Variants in CDH3 observed in about 807,000 individuals in gnomAD.
CDH3 encodes cadherin-3.
Under a neutral mutation model 82.0 loss-of-function variants are expected in CDH3, and 54 were observed. The observed-to-expected ratio is 0.66, with a 90% CI of 0.53 to 0.83. The LOEUF (loss-of-function observed/expected upper bound fraction) is 0.83. Ranked by LOEUF, CDH3 falls within the 40% of genes least tolerant of loss-of-function variation. The pLI, the probability that CDH3 is intolerant of heterozygous loss-of-function variation, is 0.00. For missense variants in CDH3, 1,054 were observed against 1,084.6 expected (o/e 0.97, Z 0.40); for synonymous variants, 446 against 437.9 (o/e 1.02, Z -0.23).
intron 2 of CDH3, chr16:68,651,255 C>A: frequency 1.9e-6 from 1 of 539,584 alleles, no homozygotes; most frequent in South Asian, 1.4e-5. Flanking sequence ...TGGTGCCCAG[C>A]TTGGTGTCAT....
chr16:68,721,136 CA>C (rs1962158708), intron 1 of CDH3, among the ~76,000 whole-genome samples: 2 of 151,522 alleles, frequency 1.3e-5, no homozygotes, highest in Admixed American at 1.3e-4. Context: ...TCCTAATCAT[CA>C]TACTAAATCA....
chr16:68,674,239 A>G (rs1382222849), intron 2 of CDH3, among the ~76,000 whole-genome samples: 1 of 152,132 alleles, frequency 6.6e-6, no homozygotes, highest in African/African-American at 2.4e-5. Context: ...GTGCATGTGA[A>G]GTGGTATCTC....
downstream of CDH3, among the ~76,000 whole-genome samples, chr16:68,704,637 C>A (rs961096847): frequency 1.4e-4 from 22 of 152,268 alleles, no homozygotes; most frequent in African/African-American, 5.3e-4. Flanking sequence ...CCACATGCCA[C>A]ACAGGGAGTC....
In CDH3 at chr16:68,679,787, C is replaced by T; in HGVS notation, c.692-12C>T. The T allele has an allele frequency of 6.3e-7, 1 of 1,599,024 alleles. No individual in the cohort carries two copies. On this transcript the variant is annotated splice_polypyrimidine_tract_variant and intron_variant, in intron 6 of 15. Coordinates refer to ENST00000264012, the MANE Select transcript of CDH3 (RefSeq NM_001793.6). Reference sequence around the variant, plus strand: ...GAACTGGGAGGAAAAGATACTCATCCCTTCTCTCCAGGTACTTCTGTGATG... The same window carrying T: ...GAACTGGGAGGAAAAGATACTCATCTCTTCTCTCCAGGTACTTCTGTGATG...
intron 13 of CDH3, among the ~76,000 whole-genome samples, chr16:68,692,993 A>G (rs2152105936): frequency 6.6e-6 from 1 of 152,280 alleles, no homozygotes; most frequent in East Asian, 1.9e-4. Flanking sequence ...AATCCCAGTT[A>G]CTTGGGAGGC....
rs28815033 is a variant in CDH3 at position 68,719,254 on chromosome 16, G to A, written c.100-3171G>A. Among the ~76,000 whole-genome samples, 404 of 143,502 alleles carry A rather than the reference G, an allele frequency of 2.8e-3. 7 individuals carry two copies. Among genetic ancestry groups the A allele is most frequent in the Admixed American group, 0.018 (251 of 14,276 alleles). The allele number at this position is 143,502 out of a possible 152,430, so 94.1% of individuals were successfully genotyped here. On this transcript the variant is annotated intron_variant, in intron 1 of 2. Coordinates refer to the CDH3 transcript ENST00000569080. ...AGTGAGACTCCGTCTCAAAAAAAAAGAAAAAAAAAAAAGATAAAAAACGAA... is the reference window on the plus strand; with the variant it reads ...AGTGAGACTCCGTCTCAAAAAAAAAAAAAAAAAAAAAAGATAAAAAACGAA...
In CDH3 at chr16:68,684,731, C is replaced by G; in HGVS notation, c.1331C>G (p.Ser444Cys). The G allele has an allele frequency of 1.2e-6, 2 of 1,614,220 alleles. No individual in the cohort carries two copies. The highest frequency in any genetic ancestry group is 1.7e-6 in the Non-Finnish European group (2 of 1,180,046). ...GAGGCACCTGTGTTTGTCCCACCCT[C>G]CAAAGTCGTTGAGGTCCAGGAGGGC... ...VNEAPVFVPP[S>C]KVVEVQEGIP... Residue 444 changes from serine to cysteine, a missense_variant, in exon 10 of 16, where the codon TCC becomes TGC. Ser to Cys is a moderately radical substitution (Grantham distance 112). Transcript: ENST00000264012.
At chr16:68,663,225 CTT>C (rs71382053) in intron 2 of CDH3, among the ~76,000 whole-genome samples, 2 of 130,576 alleles carry the variant, frequency 1.5e-5, no homozygotes, top group East Asian at 2.3e-4. Flanking sequence ...AGGAAAGTGA[CTT>C]TTTTTTTTTT....
intron 2 of CDH3, among the ~76,000 whole-genome samples, chr16:68,672,588 C>T (rs966809917): frequency 3.9e-5 from 6 of 152,170 alleles, no homozygotes; most frequent in African/African-American, 1.4e-4. Flanking sequence ...ATCGTGTGGC[C>T]CCTGGGACCC....
chr16:68,682,238 C>G, intron 8 of CDH3, 64 bp from the exon 9 acceptor site: 3 of 1,535,700 alleles, frequency 2.0e-6, no homozygotes, highest in Non-Finnish European at 2.7e-6. Context: ...ATGGAGGCTT[C>G]TCAGCCTCTG....
At chr16:68,648,057 C>T (rs1390999284) in intron 2 of CDH3, among the ~76,000 whole-genome samples, 1 of 152,222 alleles carries the variant, frequency 6.6e-6, no homozygotes, top group South Asian at 2.1e-4. Context: ...GCTTTATCCT[C>T]CTAACATTCC....
At chr16:68,725,488 C>T (rs1468747005) in intron 2 of CDH3, among the ~76,000 whole-genome samples, 1 of 151,908 alleles carries the variant, frequency 6.6e-6, no homozygotes, top group East Asian at 2.0e-4. Context: ...CGCCCGCCAC[C>T]ACGCCTGGCT....
chr16:68,667,827 C>A (rs975077154), intron 2 of CDH3, among the ~76,000 whole-genome samples: 1 of 152,188 alleles, frequency 6.6e-6, no homozygotes, highest in Admixed American at 6.5e-5. Flanking sequence ...GCCAGAGACT[C>A]CTGGTTTCCA....
Position 68,699,608 on chromosome 16 carries a change from C to G in CDH3, c.*1208C>G, listed in dbSNP as rs1039384908. 2.0e-5 allele frequency: 3 copies of G among 152,028 alleles called. No homozygotes were observed. The highest frequency in any genetic ancestry group is 4.8e-5 in the African/African-American group (2 of 41,360). 9.4% of individuals were successfully genotyped at this position (152,028 alleles called of 1,614,324 possible). Reference sequence around the variant, plus strand: ...ACGCCATTCTCCTGCCTCAGCCTCCCGAGTAGCTGGGACTACAGGTGCCTG... The same window carrying G: ...ACGCCATTCTCCTGCCTCAGCCTCCGGAGTAGCTGGGACTACAGGTGCCTG... On this transcript the variant is annotated 3_prime_UTR_variant, in exon 16 of 16. Coordinates refer to ENST00000264012, the MANE Select transcript of CDH3 (RefSeq NM_001793.6).
intron 1 of CDH3, among the ~76,000 whole-genome samples, chr16:68,714,806 C>T (rs1962073130): frequency 6.6e-6 from 1 of 152,044 alleles, no homozygotes; most frequent in African/African-American, 2.4e-5. Context: ...TGCTTGAAGC[C>T]AGGACTAGCC....
At chr16:68,659,312 T>C (rs1960496174) in intron 2 of CDH3, among the ~76,000 whole-genome samples, 1 of 152,126 alleles carries the variant, frequency 6.6e-6, no homozygotes, top group African/African-American at 2.4e-5. Context: ...CTCACAACTG[T>C]AATTCTAGCA....
chr16:68,646,365 C>T (rs1480914696), intron 2 of CDH3, among the ~76,000 whole-genome samples: 1 of 152,188 alleles, frequency 6.6e-6, no homozygotes, highest in Non-Finnish European at 1.5e-5. Flanking sequence ...AACCACCCCG[C>T]CCCCAGCGTC....
rs746232602 is a variant in CDH3, at chr16:68,678,851, G to C, written c.636G>C (p.Lys212Asn). Residue 212 changes from lysine to asparagine, a missense_variant, in exon 6 of 16, where the codon AAG becomes AAC. Lys to Asn is a moderately conservative substitution (Grantham distance 94, BLOSUM62 0). Coordinates refer to ENST00000264012, the MANE Select transcript of CDH3 (RefSeq NM_001793.6). Reference sequence around the variant, plus strand: ...TCGTGACCGACCAGAATGACCACAAGCCCAAGTTTACCCAGGACACCTTCC... The same window carrying C: ...TCGTGACCGACCAGAATGACCACAACCCCAAGTTTACCCAGGACACCTTCC... ...SIIVTDQNDH[K>N]PKFTQDTFRG... 4 of 1,613,988 alleles carry C rather than the reference G, an allele frequency of 2.5e-6. No homozygotes were observed. The African/African-American group carries it at 5.3e-5, about 22-fold the overall frequency.
chr16:68,655,437 C>T (rs571376217), intron 2 of CDH3, among the ~76,000 whole-genome samples: 7 of 152,184 alleles, frequency 4.6e-5, no homozygotes, highest in Non-Finnish European at 7.3e-5. Context: ...AGGTACTGTT[C>T]TAGGTGCTGG....
Sources: allele counts gnomAD v4.1 joint callset (sites outside exome capture counted in the v4.1 genomes callset), GRCh38; gene constraint gnomAD v4.1.1; transcripts MANE v1.5; gene names NCBI Gene and HGNC (gene_info 2026-07-23, HGNC 2026-07-21).